Variants in EPS15L1 observed in about 807,000 individuals in gnomAD.
EPS15L1 encodes the protein epidermal growth factor receptor pathway substrate 15 like 1.
A neutral mutation model predicts 117.1 loss-of-function variants in EPS15L1; 43 were observed. The observed-to-expected ratio is 0.37, with a 90% CI of 0.29 to 0.47. The LOEUF (loss-of-function observed/expected upper bound fraction) is 0.47. Ranked by LOEUF, EPS15L1 falls within the 20% of genes least tolerant of loss-of-function variation. The pLI is 0.99. For missense variants in EPS15L1, 981 were observed against 1,164.0 expected (o/e 0.84, Z 2.29); for synonymous variants, 459 against 470.5 (o/e 0.98, Z 0.32).
chr19:16,421,225 T>C, intron 10 of EPS15L1, 94 bp downstream of exon 10: 1 of 1,401,528 alleles, frequency 7.1e-7, no homozygotes, highest in Admixed American at 2.2e-5. Context: ...TGTGACAGGC[T>C]GGAGGGGGCC....
chr19:16,435,484 G>A (rs2092969683), intron 6 of EPS15L1, among the ~76,000 whole-genome samples: 1 of 152,228 alleles, frequency 6.6e-6, no homozygotes, highest in East Asian at 1.9e-4. Flanking sequence ...CTTAGAAATG[G>A]TTAAGATGGT....
intron 22 of EPS15L1, among the ~76,000 whole-genome samples, 194 bp downstream of exon 22, chr19:16,376,928 G>A (rs1847279396): frequency 1.3e-5 from 2 of 152,220 alleles, no homozygotes; most frequent in Admixed American, 1.3e-4. Flanking sequence ...GCGAGGGCGG[G>A]CAGGCAGGAG....
intron 12 of EPS15L1, among the ~76,000 whole-genome samples, chr19:16,415,576 C>T (rs2092750836): frequency 1.3e-5 from 2 of 152,224 alleles, no homozygotes; most frequent in African/African-American, 4.8e-5. Context: ...CCTGACATGC[C>T]CTTGCTGGCT....
intron 6 of EPS15L1, among the ~76,000 whole-genome samples, chr19:16,435,949 G>C (rs1213057325): frequency 6.6e-6 from 1 of 152,174 alleles, no homozygotes; most frequent in Non-Finnish European, 1.5e-5. Flanking sequence ...TAAAGTATAA[G>C]ATCTCTTGGC....
At chr19:16,355,971 G>T in intron 23 of EPS15L1, 120 bp from the exon 24 acceptor site, 1 of 1,211,468 alleles carries the variant, frequency 8.3e-7, no homozygotes, top group Non-Finnish European at 1.1e-6. Context: ...CGGAGGGTCC[G>T]ATGTGCAGGG....
At chr19:16,468,607 A>T (rs2093323402) in intron 1 of EPS15L1, among the ~76,000 whole-genome samples, 1 of 152,196 alleles carries the variant, frequency 6.6e-6, no homozygotes, top group South Asian at 2.1e-4. Flanking sequence ...CAGCCTCCTA[A>T]AGTGCTGGGA....
At chr19:16,374,270 T>C (rs987286268) in intron 22 of EPS15L1, among the ~76,000 whole-genome samples, 5 of 152,194 alleles carry the variant, frequency 3.3e-5, no homozygotes, top group South Asian at 2.1e-4. Context: ...AGATAAGAAC[T>C]GTTCAAGCAC....
chr19:16,419,102 T>C (rs1205681215), intron 10 of EPS15L1, among the ~76,000 whole-genome samples: 1 of 152,166 alleles, frequency 6.6e-6, no homozygotes, highest in Non-Finnish European at 1.5e-5. Context: ...AGGCAGCATC[T>C]GAATAGCAGC....
rs1004403314 is a variant in EPS15L1 at position 16,405,625 on chromosome 19, G to A, written c.1267-876C>T. Among the ~76,000 whole-genome samples, 10 of 152,350 alleles carry A rather than the reference G, an allele frequency of 6.6e-5. No homozygotes were observed. In the East Asian group the frequency reaches 7.7e-4, roughly 12 times the overall value. ...TCCAGCACAGCCCACACTGTGGGACGCTCCTTGGCCATGGAACGGGATGGC... is the reference window on the plus strand; with the variant it reads ...TCCAGCACAGCCCACACTGTGGGACACTCCTTGGCCATGGAACGGGATGGC... On this transcript the variant is annotated intron_variant, in intron 13 of 23. Transcript: ENST00000455140. The surrounding 1 kb of genome is among the most constrained non-coding windows in gnomAD (Gnocchi z 4.0).
At chr19:16,432,038 C>G (rs917676424) in intron 7 of EPS15L1, among the ~76,000 whole-genome samples, 1 of 152,132 alleles carries the variant, frequency 6.6e-6, no homozygotes, top group Non-Finnish European at 1.5e-5. Flanking sequence ...CTTGAGTATG[C>G]GTACATTTCG....
Position 16,393,944 on chromosome 19 carries a change from A to C in EPS15L1, c.1966+7T>G. 6.2e-7 allele frequency: 1 copy of C among 1,613,902 alleles called. No homozygotes were observed. Among genetic ancestry groups the C allele is most frequent in the Non-Finnish European group, 8.5e-7 (1 of 1,179,858 alleles). On this transcript the variant is annotated splice_region_variant and intron_variant, in intron 18 of 23. Transcript: ENST00000455140. ...TAAAGACCGGTCCGGGAAACACTGA[A>C]TTTTACCTGTTGAAGTTGTCTGCTG...
At chr19:16,396,106 T>TA (rs563093120) in intron 16 of EPS15L1, among the ~76,000 whole-genome samples, 2,664 of 149,270 alleles carry the variant, frequency 0.018, 37 homozygotes, top group Middle Eastern at 0.031. Flanking sequence ...CCTGTATCTT[T>TA]AAAAAAAAAA....
intron 1 of EPS15L1, among the ~76,000 whole-genome samples, chr19:16,465,640 C>A (rs2093297662): frequency 6.6e-6 from 1 of 152,078 alleles, no homozygotes; most frequent in South Asian, 2.1e-4. Context: ...TTTGATTGCA[C>A]CACTGTACTC....
At position 16,377,163 on chromosome 19, in the gene EPS15L1, G is replaced by C. The variant is rs1209088895; in HGVS notation, c.2339C>G (p.Pro780Arg). The C allele has an allele frequency of 6.2e-7, 1 of 1,610,044 alleles. No homozygotes were observed. The highest frequency in any genetic ancestry group is 8.5e-7 in the Non-Finnish European group (1 of 1,178,334). ...FKSKQDTPAL[P>R]PKKPAPPRPK... ...CCGTGGAGGAGCAGGTTTCTTCGGA[G>C]GCAGAGCAGGAGTGTCCTGTTTACT... Residue 780 changes from proline to arginine, a missense_variant, in exon 22 of 24, where the codon CCT (proline) becomes CGT (arginine). Pro to Arg is a moderately radical substitution (Grantham distance 103). Around this residue, in one of 5 missense-constraint regions of EPS15L1, gnomAD observed 819 missense variants for 949.0 expected, o/e 0.86. Transcript: ENST00000455140.
chr19:16,392,229 G>A (rs2092483846), intron 19 of EPS15L1, 75 bp downstream of exon 19: 6 of 1,549,970 alleles, frequency 3.9e-6, no homozygotes, highest in Admixed American at 1.7e-5. Flanking sequence ...AAGGGAAGGG[G>A]GCCTTCGGGA....
intron 16 of EPS15L1, among the ~76,000 whole-genome samples, chr19:16,398,095 C>T (rs2092559374): frequency 6.6e-6 from 1 of 152,182 alleles, no homozygotes; most frequent in East Asian, 1.9e-4. Flanking sequence ...CCTAGCAAGG[C>T]TGCCACCACC....
chr19:16,392,359 T>C lies in EPS15L1; in HGVS notation c.2048A>G (p.Lys683Arg), dbSNP rs754007911. The change falls in exon 19 of 24, where the codon AAG (lysine) becomes AGG (arginine). Residue 683 changes from lysine to arginine, a missense_variant. By Grantham distance (26) the Lys-to-Arg change is conservative (BLOSUM62 2). This residue lies in a region of EPS15L1 where 819 missense variants were observed against 949.0 expected (regional missense o/e 0.86). Transcript: ENST00000455140. ...ATDDFFKKQT[K>R]NDPFTSDPFT... is the part of the protein sequence containing the mutation. ...TGGATCCGAGGTAAATGGGTCATTCTTTGTCTGTTTCTTGAAGAAGTCGTC... is the reference window on the plus strand; with the variant it reads ...TGGATCCGAGGTAAATGGGTCATTCCTTGTCTGTTTCTTGAAGAAGTCGTC... 1.2e-6 allele frequency: 2 copies of C among 1,614,080 alleles called. No homozygotes were observed. Among genetic ancestry groups the C allele is most frequent in the African/African-American group, 2.7e-5 (2 of 74,944 alleles).
At chr19:16,395,521 A>G in intron 16 of EPS15L1, 54 bp from the exon 17 acceptor site, 1 of 1,561,558 alleles carries the variant, frequency 6.4e-7, no homozygotes, top group African/African-American at 1.4e-5. Context: ...GAGTTAAAGC[A>G]AAGTACGGAA....
chr19:16,461,785 G>C (rs1444445873), intron 1 of EPS15L1, among the ~76,000 whole-genome samples: 2 of 152,226 alleles, frequency 1.3e-5, no homozygotes, highest in Non-Finnish European at 1.5e-5. Context: ...GTGGTGCCCT[G>C]ACTGCTGTCA....
Sources: gnomAD v4.1 joint callset for allele counts (sites outside exome capture counted in the v4.1 genomes callset) on GRCh38, gnomAD v4.1.1 for gene constraint, gnomAD v4.1.1 regional missense constraint, Gnocchi (gnomAD v3.1) non-coding constraint, MANE v1.5 for transcripts, NCBI Gene and HGNC (gene_info 2026-07-23, HGNC 2026-07-21) for gene names.